RTP3: variants seen among roughly 807,000 people sequenced by gnomAD.
RTP3 encodes receptor-transporting protein 3.
Under a neutral mutation model 6.2 loss-of-function variants are expected in RTP3, and 2 were observed. That is an observed-to-expected ratio of 0.32 (90% CI 0.13 to 1.02). The LOEUF (loss-of-function observed/expected upper bound fraction) is 1.02. Among genes scored for constraint, RTP3 ranks in the 50% least tolerant of loss-of-function variants. The pLI is 0.47. For missense variants in RTP3, 252 were observed against 280.8 expected (o/e 0.90, Z 0.73); for synonymous variants, 106 against 98.3 (o/e 1.08, Z -0.47).
At chr3:46,499,968 GAAT>G (rs939509652) in intron 1 of RTP3, among the ~76,000 whole-genome samples, 1 of 152,114 alleles carries the variant, frequency 6.6e-6, no homozygotes, top group African/African-American at 2.4e-5. Context: ...TGACCCATTT[GAAT>G]CTACATTTGA....
At position 46,499,859 on chromosome 3, in the gene RTP3, G is replaced by A. The variant is rs558965094; in HGVS notation, c.156-497G>A. Reference sequence around the variant, plus strand: ...ACCCTGGACACTTCAGGCTCCCACCGCCAACCCATGAGTCTATAACTTAAT... The same window carrying A: ...ACCCTGGACACTTCAGGCTCCCACCACCAACCCATGAGTCTATAACTTAAT... On this transcript the variant is annotated intron_variant, in intron 1 of 1. Transcript: ENST00000296142. 1.1e-4 allele frequency among the ~76,000 whole-genome samples: 16 copies of A among 152,084 alleles called. No individual in the cohort carries two copies. In the East Asian group the frequency reaches 2.1e-3, roughly 20 times the overall value.
At position 46,500,338 on chromosome 3, in the gene RTP3, T is replaced by C. The variant is rs377377278; in HGVS notation, c.156-18T>C. 26 of 1,579,060 alleles carry C rather than the reference T, an allele frequency of 1.6e-5. No homozygotes were observed. Among genetic ancestry groups the C allele is most frequent in the Non-Finnish European group, 2.1e-5 (25 of 1,165,726 alleles). The stretch of plus-strand genomic sequence containing the variant: ...TGGTCACATGGAGCCAGGCTGAGAC[T>C]CTCTTCTGTCTCCACAGGTTCCAGT... On this transcript the variant is annotated intron_variant, in intron 1 of 1. Transcript: ENST00000296142.
At chr3:46,498,958 T>G (rs944050214) in intron 1 of RTP3, among the ~76,000 whole-genome samples, 1 of 152,254 alleles carries the variant, frequency 6.6e-6, no homozygotes. Flanking sequence ...GTTTGAACTC[T>G]GAACAAGCAC....
chr3:46,500,115 A>G (rs961860946), intron 1 of RTP3, among the ~76,000 whole-genome samples: 30 of 152,178 alleles, frequency 2.0e-4, no homozygotes, highest in Non-Finnish European at 4.0e-4. Context: ...GAAGATGCCC[A>G]AGGTCCCTCC....
chr3:46,500,303 C>G, intron 1 of RTP3, 53 bp from the exon 2 acceptor site: 2 of 1,526,832 alleles, frequency 1.3e-6, no homozygotes, highest in East Asian at 2.3e-5. Context: ...TCTGGCAGTT[C>G]CCCGTGATTT....
At position 46,500,583 on chromosome 3, in the gene RTP3, G is replaced by A. The variant is rs781211556; in HGVS notation, c.383G>A (p.Arg128Lys). The change falls in exon 2 of 2, where the codon AGA (arginine) becomes AAA (lysine). Residue 128 changes from arginine (R) to lysine (K), a missense_variant. Coordinates refer to ENST00000296142, the MANE Select transcript of RTP3 (RefSeq NM_031440.2). The stretch of plus-strand genomic sequence containing the variant: ...TTCCGAATTCTGAAGAAATGCTATA[G>A]AGGAAGATTTCAGTTGATAGAGGAG... Reference protein sequence around the residue: ...LVFRILKKCYRGRFQLIEEVP... With the variant: ...LVFRILKKCYKGRFQLIEEVP... 4 of 1,614,226 alleles carry A rather than the reference G, an allele frequency of 2.5e-6. No homozygotes were observed. The highest frequency in any genetic ancestry group is 2.2e-5 in the South Asian group (2 of 91,080).
chr3:46,500,595 A>T lies in RTP3; in HGVS notation c.395A>T (p.Gln132Leu). The stretch of plus-strand genomic sequence containing the variant: ...AAGAAATGCTATAGAGGAAGATTTC[A>T]GTTGATAGAGGAGGTTCCTATGATC... ...ILKKCYRGRF[Q>L]LIEEVPMIKD... is the part of the protein sequence containing the mutation. The change falls in exon 2 of 2, where the codon CAG (glutamine) becomes CTG (leucine). Residue 132 changes from glutamine (Q) to leucine (L), a missense_variant. Physicochemically the swap from Gln to Leu is moderately radical, Grantham distance 113. Coordinates refer to ENST00000296142, the MANE Select transcript of RTP3 (RefSeq NM_031440.2). The T allele has an allele frequency of 6.2e-7, 1 of 1,614,236 alleles. No homozygotes were observed. The highest frequency in any genetic ancestry group is 8.5e-7 in the Non-Finnish European group (1 of 1,180,040).
intron 1 of RTP3, among the ~76,000 whole-genome samples, chr3:46,499,892 C>A (rs914067673): frequency 6.6e-6 from 1 of 152,166 alleles, no homozygotes; most frequent in East Asian, 1.9e-4. Flanking sequence ...AATCAACACC[C>A]ACCTATAGGC....
intron 1 of RTP3, among the ~76,000 whole-genome samples, chr3:46,498,822 C>A (rs981179061): frequency 2.6e-5 from 4 of 152,224 alleles, no homozygotes; most frequent in African/African-American, 9.6e-5. Context: ...GTCCCACCCG[C>A]TGTCCCCTCC....
intron 1 of RTP3, among the ~76,000 whole-genome samples, chr3:46,499,121 C>A (rs774303057): frequency 1.1e-4 from 17 of 152,238 alleles, no homozygotes; most frequent in Non-Finnish European, 1.6e-4. Flanking sequence ...TTCAACCTTG[C>A]ATTCACCCTG....
chr3:46,498,244 TC>T (rs776692659), intron 1 of RTP3, 27 bp downstream of exon 1: 396 of 1,613,692 alleles, frequency 2.5e-4, no homozygotes, highest in Non-Finnish European at 3.1e-4. Flanking sequence ...TGGTACACGT[TC>T]CAGAAAATTC....
At chr3:46,498,455 T>C (rs1168397501) in intron 1 of RTP3, among the ~76,000 whole-genome samples, 2 of 151,582 alleles carry the variant, frequency 1.3e-5, no homozygotes, top group Non-Finnish European at 2.9e-5. Flanking sequence ...TACAGAGAAA[T>C]CAGTCTGTGG....
chr3:46,500,373 G>C lies in RTP3; in HGVS notation c.173G>C (p.Cys58Ser). 1.2e-6 allele frequency: 2 copies of C among 1,610,678 alleles called. No individual in the cohort carries two copies. The highest frequency in any genetic ancestry group is 1.7e-6 in the Non-Finnish European group (2 of 1,178,736). Residue 58 changes from cysteine to serine, a missense_variant, in exon 2 of 2, where the codon TGC becomes TCC. Coordinates refer to ENST00000296142, the MANE Select transcript of RTP3 (RefSeq NM_031440.2). ...CTCCACAGGTTCCAGTGCTCCTCCT[G>C]CTCTCGTAACTGGGCCTCTGCCCAA... Reference protein sequence around the residue: ...WTFARFQCSSCSRNWASAQVL... With the variant: ...WTFARFQCSSSSRNWASAQVL...
At position 46,498,155 on chromosome 3, in the gene RTP3, G is replaced by C; in HGVS notation, c.93G>C (p.Lys31Asn). The C allele has an allele frequency of 1.2e-6, 2 of 1,614,224 alleles. No individual in the cohort carries two copies. The highest frequency in any genetic ancestry group is 1.7e-6 in the Non-Finnish European group (2 of 1,180,034). ...ACAGGTGGACCCTGAGACCAGACAA[G>C]GGCCTTCTTCCCAACGTCCTGAAGC... Reference protein sequence around the residue: ...PWHRWTLRPDKGLLPNVLKPG... With the variant: ...PWHRWTLRPDNGLLPNVLKPG... The change falls in exon 1 of 2, where the codon AAG becomes AAC. Residue 31 changes from lysine (K) to asparagine (N), a missense_variant. Physicochemically the swap from Lys to Asn is moderately conservative, Grantham distance 94. Transcript: ENST00000296142.
chr3:46,500,168 T>C (rs970612823), intron 1 of RTP3, among the ~76,000 whole-genome samples, 188 bp from the exon 2 acceptor site: 12 of 152,180 alleles, frequency 7.9e-5, no homozygotes, highest in Admixed American at 6.5e-5. Context: ...TAGCAGACAC[T>C]GTGCAGCATG....
rs774904328 is a variant in RTP3, at chr3:46,500,912, T to C, written c.*13T>C. The C allele has an allele frequency of 2.6e-6, 4 of 1,539,678 alleles. No homozygotes were observed. Among genetic ancestry groups the C allele is most frequent in the Middle Eastern group, 1.8e-4 (1 of 5,676 alleles). ...AACTGCTATATGAGCCTTGGAAACA[T>C]GAAGCTAAGTCAGAAAAAAAATCAG... is the stretch of plus-strand genomic sequence containing the variant. On this transcript the variant is annotated 3_prime_UTR_variant, in exon 2 of 2. Transcript: ENST00000296142.
chr3:46,499,778 C>T (rs141280977), intron 1 of RTP3, among the ~76,000 whole-genome samples: 8 of 152,154 alleles, frequency 5.3e-5, no homozygotes, highest in Admixed American at 2.0e-4. Context: ...CCTGCAATAC[C>T]GCAGACCAGG....
chr3:46,498,316 T>G, intron 1 of RTP3, 99 bp downstream of exon 1: 3 of 1,322,630 alleles, frequency 2.3e-6, no homozygotes, highest in Non-Finnish European at 3.2e-6. Context: ...GCTTTCAAAT[T>G]GAAGACTATG....
rs368133050 is a variant in RTP3 at position 46,500,477 on chromosome 3, T to A, written c.277T>A (p.Cys93Ser). Reference sequence around the variant, plus strand: ...GAAGATGAGGGTGTTTACCCAGAGATGTAAGAAGTGCCCCCAACCTCTGTT... The same window carrying A: ...GAAGATGAGGGTGTTTACCCAGAGAAGTAAGAAGTGCCCCCAACCTCTGTT... ...QVKMRVFTQR[C>S]KKCPQPLFED... The change falls in exon 2 of 2, where the codon TGT becomes AGT. Residue 93 changes from cysteine to serine, a missense_variant. Cys to Ser is a moderately radical substitution (Grantham distance 112). Coordinates refer to ENST00000296142, the MANE Select transcript of RTP3 (RefSeq NM_031440.2). 5.0e-6 allele frequency: 8 copies of A among 1,614,140 alleles called. No individual in the cohort carries two copies. The highest frequency in any genetic ancestry group is 8.5e-7 in the Non-Finnish European group (1 of 1,180,020).
Sources: allele counts gnomAD v4.1 joint callset (sites outside exome capture counted in the v4.1 genomes callset), GRCh38; gene constraint gnomAD v4.1.1; transcripts MANE v1.5; gene names NCBI Gene and HGNC (gene_info 2026-07-23, HGNC 2026-07-21).